The following CFAP92 variants were observed in gnomAD, a reference collection of about 807,000 sequenced individuals.
CFAP92 encodes uncharacterized protein CFAP92.
CFAP92 carries 86 observed loss-of-function variants against 106.3 expected under a neutral mutation model. That is an observed-to-expected ratio of 0.81 (90% CI 0.68 to 0.97). CFAP92 has a LOEUF of 0.97. CFAP92 is among the 50% of genes least tolerant of loss of function. The pLI is 0.00. For synonymous variants in CFAP92, 477 were observed against 506.4 expected (o/e 0.94, Z 0.78); for missense variants, 1,204 against 1,283.8 (o/e 0.94, Z 0.95).
intron 10 of CFAP92, among the ~76,000 whole-genome samples, chr3:128,939,229 C>T (rs1428855652): frequency 2.0e-5 from 3 of 152,106 alleles, no homozygotes; most frequent in Admixed American, 1.3e-4. Context: ...ACCTCTGTCT[C>T]CTGGGCTCAA....
chr3:129,001,942 CCA>C (rs1320527483), intron 1 of CFAP92: 1 of 1,543,238 alleles, frequency 6.5e-7, no homozygotes, highest in African/African-American at 1.4e-5. Context: ...GACGGGAACT[CCA>C]GAGATGTGAC....
chr3:128,923,233 G>C (rs115927774), intron 12 of CFAP92, among the ~76,000 whole-genome samples: 7,240 of 152,270 alleles, frequency 0.048, 350 homozygotes, highest in African/African-American at 0.12. Context: ...AACCATGGAG[G>C]GGGTTCCCCC....
At chr3:128,937,207 G>A (rs1318882992) in intron 10 of CFAP92, among the ~76,000 whole-genome samples, 1 of 151,388 alleles carries the variant, frequency 6.6e-6, no homozygotes, top group African/African-American at 2.4e-5. Context: ...AGGCTGAGAT[G>A]GGAGGATGGC....
upstream of CFAP92, among the ~76,000 whole-genome samples, chr3:128,998,493 C>T (rs949264579): frequency 6.6e-6 from 1 of 152,272 alleles, no homozygotes; most frequent in African/African-American, 2.4e-5. Flanking sequence ...CAAGGACATT[C>T]CCAGACAGTT....
chr3:129,001,622 C>G, intron 1 of CFAP92: 1 of 1,355,442 alleles, frequency 7.4e-7, no homozygotes, highest in Non-Finnish European at 9.4e-7. Context: ...AGGCGCGCGG[C>G]GCAGCGATGG....
At chr3:128,998,099 G>A (rs929824382), upstream of CFAP92, among the ~76,000 whole-genome samples, 9 of 152,036 alleles carry the variant, frequency 5.9e-5, no homozygotes, top group Admixed American at 3.3e-4. Context: ...CAACTTCTTT[G>A]GTGAAATGTC....
chr3:128,956,856 C>T (rs762391075), intron 9 of CFAP92, among the ~76,000 whole-genome samples: 36 of 151,378 alleles, frequency 2.4e-4, no homozygotes, highest in Middle Eastern at 3.4e-3. Flanking sequence ...GGTGCATGCT[C>T]ATAATCCCAG....
chr3:128,996,600 G>C (rs1052103361), upstream of CFAP92, among the ~76,000 whole-genome samples: 5 of 152,168 alleles, frequency 3.3e-5, no homozygotes, highest in African/African-American at 7.2e-5. Context: ...GCAAAGGAAG[G>C]GGGGCTTCTG....
chr3:128,922,169 C>G (rs1482399249), intron 12 of CFAP92, among the ~76,000 whole-genome samples: 14 of 151,318 alleles, frequency 9.3e-5, no homozygotes, highest in Non-Finnish European at 2.9e-5. Flanking sequence ...GAAACCCCGT[C>G]TCTACTAAAA....
intron 15 of CFAP92, chr3:128,913,011 GCT>G (rs756834851): frequency 1.3e-5 from 6 of 459,954 alleles, no homozygotes; most frequent in Admixed American, 2.3e-5. Flanking sequence ...CAGCTTGAAA[GCT>G]CTGTCTGGGT....
In CFAP92 at chr3:128,961,410, G is replaced by A. The variant is rs370170428; in HGVS notation, c.1353+4101C>T. On this transcript the variant is annotated intron_variant, in intron 9 of 15. Coordinates refer to ENST00000645291, the MANE Select transcript of CFAP92 (RefSeq NM_001394090.1). Reference sequence around the variant, plus strand: ...TGACCTCTCCCCTCCTCACCAGGCCGAGCTAGGTCCCAATTCTTCCTCAGC... The same window carrying A: ...TGACCTCTCCCCTCCTCACCAGGCCAAGCTAGGTCCCAATTCTTCCTCAGC... 6.6e-4 allele frequency among the ~76,000 whole-genome samples: 101 copies of A among 151,934 alleles called. 2 individuals carry two copies. The South Asian group carries it at 0.015, about 23-fold the overall frequency.
intron 12 of CFAP92, among the ~76,000 whole-genome samples, chr3:128,921,424 C>T (rs1043901837): frequency 6.6e-6 from 1 of 152,224 alleles, no homozygotes; most frequent in Non-Finnish European, 1.5e-5. Context: ...CAGTGTCAAA[C>T]TGCTATTAGA....
chr3:129,017,273 C>T, the CFAP92 span, among the ~76,000 whole-genome samples: 8 of 152,230 alleles, frequency 5.3e-5, no homozygotes, highest in South Asian at 2.1e-4. Context: ...AGGCCACAGT[C>T]GGGGTTGAGC....
intron 5 of CFAP92, 67 bp downstream of exon 5, chr3:128,977,978 A>C (rs1317312124): frequency 1.3e-6 from 2 of 1,599,726 alleles, no homozygotes; most frequent in East Asian, 2.2e-5. Flanking sequence ...GCTCCAGCAC[A>C]CCACACAACC....
chr3:129,015,438 G>A, the CFAP92 span, among the ~76,000 whole-genome samples: 9 of 152,062 alleles, frequency 5.9e-5, no homozygotes, highest in African/African-American at 1.7e-4. Context: ...AGGTTGCGGG[G>A]TAAGCTCTGT....
At chr3:128,995,295 A>G (rs1576664096), upstream of CFAP92, among the ~76,000 whole-genome samples, 1 of 151,736 alleles carries the variant, frequency 6.6e-6, no homozygotes, top group African/African-American at 2.4e-5. Context: ...GTGCTCCAAT[A>G]CTCCTCGGGT....
intron 9 of CFAP92, among the ~76,000 whole-genome samples, chr3:128,950,882 C>T (rs911951893): frequency 9.2e-5 from 14 of 152,146 alleles, no homozygotes; most frequent in African/African-American, 2.7e-4. Context: ...TTTGCAAAAG[C>T]CATTTAGGCA....
At chr3:129,012,299 C>A in the CFAP92 span, among the ~76,000 whole-genome samples, 1 of 152,198 alleles carries the variant, frequency 6.6e-6, no homozygotes, top group African/African-American at 2.4e-5. Context: ...TGATGCCTGG[C>A]ACATAATAAG....
intron 9 of CFAP92, among the ~76,000 whole-genome samples, chr3:128,948,180 C>T (rs1052920860): frequency 6.6e-6 from 1 of 151,806 alleles, no homozygotes; most frequent in African/African-American, 2.4e-5. Context: ...TGTATGTAAA[C>T]ACACATTTAT....
Sources: allele counts gnomAD v4.1 joint callset (sites outside exome capture counted in the v4.1 genomes callset), GRCh38; gene constraint gnomAD v4.1.1; transcripts MANE v1.5; gene names NCBI Gene and HGNC (gene_info 2026-07-23, HGNC 2026-07-21).